The following DOCK4 variants were observed in gnomAD, a reference collection of about 807,000 sequenced individuals.
DOCK4 encodes dedicator of cytokinesis protein 4.
A neutral mutation model predicts 268.1 loss-of-function variants in DOCK4; 97 were observed. That is an observed-to-expected ratio of 0.36 (90% CI 0.31 to 0.43). The LOEUF (loss-of-function observed/expected upper bound fraction) is 0.43. Among genes scored for constraint, DOCK4 ranks in the 20% least tolerant of loss-of-function variants. The pLI, the probability that DOCK4 is intolerant of heterozygous loss-of-function variation, is 1.00. For missense variants in DOCK4, 2,145 were observed against 2,455.7 expected (o/e 0.87, Z 2.67); for synonymous variants, 954 against 887.2 (o/e 1.08, Z -1.34).
intron 12 of DOCK4, among the ~76,000 whole-genome samples, chr7:111,925,093 G>T (rs547951036): frequency 1.3e-5 from 2 of 152,200 alleles, no homozygotes; most frequent in Admixed American, 6.5e-5. Flanking sequence ...AATACGTAGG[G>T]CCTCAATCTT....
chr7:111,855,659 A>G (rs1804940781), intron 23 of DOCK4, among the ~76,000 whole-genome samples: 1 of 152,158 alleles, frequency 6.6e-6, no homozygotes, highest in South Asian at 2.1e-4. Flanking sequence ...AGCAGGTGGA[A>G]TGAGCCCCAA....
intron 13 of DOCK4, among the ~76,000 whole-genome samples, chr7:111,913,653 C>T (rs1390365489): frequency 1.3e-5 from 2 of 151,630 alleles, no homozygotes; most frequent in Non-Finnish European, 2.9e-5. Context: ...TCGTGATCCG[C>T]CCACCTCGGC....
At chr7:112,141,669 C>T (rs2116279467) in intron 1 of DOCK4, among the ~76,000 whole-genome samples, 1 of 152,230 alleles carries the variant, frequency 6.6e-6, no homozygotes, top group South Asian at 2.1e-4. Flanking sequence ...TAATCCAATC[C>T]CCTCTTTGCA....
intron 8 of DOCK4, among the ~76,000 whole-genome samples, chr7:111,953,489 G>C (rs1268072539): frequency 6.6e-6 from 1 of 152,190 alleles, no homozygotes; most frequent in East Asian, 1.9e-4. Context: ...TTGCCTAACA[G>C]TGTAAGATAT....
chr7:111,740,960 A>T, intron 47 of DOCK4, 134 bp downstream of exon 47: 1 of 997,772 alleles, frequency 1.0e-6, no homozygotes, highest in Non-Finnish European at 1.5e-6. Flanking sequence ...AAGCAAGAAG[A>T]GTGTTTAAAG....
chr7:111,935,659 T>A (rs1221785235), intron 11 of DOCK4, 31 bp from the exon 12 acceptor site: 1 of 1,563,798 alleles, frequency 6.4e-7, no homozygotes, highest in African/African-American at 1.4e-5. Context: ...TGTTAAGCTT[T>A]AATGATGCAT....
rs138810328 is a variant in DOCK4, at chr7:112,186,727, G to T, written c.37+19375C>A. ...TTGTCCTTACTAAGACACCCACAGA[G>T]AAACCACTGCATTTGGACCTAATAT... On this transcript the variant is annotated intron_variant, in intron 1 of 52. Coordinates refer to ENST00000428084, the MANE Select transcript of DOCK4 (RefSeq NM_001363540.2). Among the ~76,000 whole-genome samples, 954 of 152,206 alleles carry T rather than the reference G, an allele frequency of 6.3e-3. 15 individuals are homozygous for T. The highest frequency in any genetic ancestry group is 0.021 in the African/African-American group (888 of 41,534).
chr7:112,182,081 TAC>T (rs1466688251), intron 1 of DOCK4, among the ~76,000 whole-genome samples: 3 of 152,212 alleles, frequency 2.0e-5, no homozygotes, highest in Non-Finnish European at 4.4e-5. Context: ...ATACTAGTTT[TAC>T]ATACTTGTCC....
intron 1 of DOCK4, among the ~76,000 whole-genome samples, chr7:112,034,412 C>T (rs1218927208): frequency 2.0e-5 from 3 of 152,090 alleles, no homozygotes; most frequent in Non-Finnish European, 4.4e-5. Context: ...CTGACTAAAC[C>T]CTGAACATCC....
chr7:111,741,403 C>T, intron 46 of DOCK4, 137 bp downstream of exon 46: 1 of 1,408,654 alleles, frequency 7.1e-7, no homozygotes, highest in South Asian at 1.4e-5. Context: ...TGGCAGAGGT[C>T]TGCAGCTGCC....
chr7:111,895,521 C>A, intron 16 of DOCK4, 91 bp downstream of exon 16: 1 of 1,098,182 alleles, frequency 9.1e-7, no homozygotes, highest in South Asian at 1.3e-5. Context: ...TCATTTCAGT[C>A]ATTTTTTTCT....
At chr7:111,883,935 G>A (rs1227590944) in intron 16 of DOCK4, among the ~76,000 whole-genome samples, 2 of 152,144 alleles carry the variant, frequency 1.3e-5, no homozygotes, top group African/African-American at 2.4e-5. Context: ...CAAGAACACT[G>A]GGGTGTGTGT....
intron 1 of DOCK4, among the ~76,000 whole-genome samples, chr7:112,199,054 A>C (rs1448913326): frequency 6.6e-6 from 1 of 152,182 alleles, no homozygotes; most frequent in Non-Finnish European, 1.5e-5. Flanking sequence ...ACTGATTCAA[A>C]CTTCTGCTAA....
chr7:112,185,069 G>A (rs538676486), intron 1 of DOCK4, among the ~76,000 whole-genome samples: 1 of 152,244 alleles, frequency 6.6e-6, no homozygotes, highest in African/African-American at 2.4e-5. Context: ...GAAAGAAACT[G>A]ACATGGGCTA....
At chr7:112,160,493 C>T (rs1217944805) in intron 1 of DOCK4, among the ~76,000 whole-genome samples, 1 of 152,156 alleles carries the variant, frequency 6.6e-6, no homozygotes, top group East Asian at 1.9e-4. Context: ...TTGATGCAAG[C>T]TCTGAGGGAG....
intron 1 of DOCK4, among the ~76,000 whole-genome samples, chr7:112,166,787 A>G (rs914938963): frequency 1.3e-5 from 2 of 152,124 alleles, no homozygotes; most frequent in Admixed American, 1.3e-4. Context: ...AGGTGATAAT[A>G]GTTGCATGGA....
chr7:111,821,960 A>G (rs1285180642), intron 27 of DOCK4, among the ~76,000 whole-genome samples: 1 of 152,256 alleles, frequency 6.6e-6, no homozygotes, highest in Non-Finnish European at 1.5e-5. Flanking sequence ...AATACACAGA[A>G]GAATGAAAGG....
intron 1 of DOCK4, among the ~76,000 whole-genome samples, chr7:112,038,068 A>G (rs1440270372): frequency 6.6e-6 from 1 of 152,222 alleles, no homozygotes; most frequent in Non-Finnish European, 1.5e-5. Context: ...ACAGCATGTT[A>G]GCATTGTTAT....
At position 111,726,123 on chromosome 7, in the gene DOCK4, GGTA is replaced by G. The variant is rs1794645587; in HGVS notation, c.*2148_*2150del. 2 of 152,578 alleles carry G rather than the reference GGTA, an allele frequency of 1.3e-5. No individual in the cohort carries two copies. The highest frequency in any genetic ancestry group is 4.2e-4 in the South Asian group (2 of 4,816). 9.5% of individuals were successfully genotyped at this position (152,578 alleles called of 1,614,324 possible). The stretch of plus-strand genomic sequence containing the variant: ...AAGACAGAAATATTAAGATTAATCT[GGTA>G]ATTTTATTTAATATTTACCATTCAG... On this transcript the variant is annotated 3_prime_UTR_variant, in exon 53 of 53. Transcript: ENST00000428084.
Sources: allele counts gnomAD v4.1 joint callset (sites outside exome capture counted in the v4.1 genomes callset), GRCh38; gene constraint gnomAD v4.1.1; transcripts MANE v1.5; gene names NCBI Gene and HGNC (gene_info 2026-07-23, HGNC 2026-07-21).